Variants in KAZN observed in about 807,000 individuals in gnomAD.
KAZN encodes kazrin, periplakin interacting protein.
In KAZN, 40 loss-of-function variants were observed where a neutral mutation model predicts 87.4. That is an observed-to-expected ratio of 0.46 (90% CI 0.36 to 0.60). KAZN has a LOEUF of 0.60. Ranked by LOEUF, KAZN falls within the 20% of genes least tolerant of loss-of-function variation. The pLI is 0.00. For missense variants in KAZN, 898 were observed against 1,073.9 expected (o/e 0.84, Z 2.29); for synonymous variants, 466 against 458.3 (o/e 1.02, Z -0.22).
chr1:14,611,214 A>C (rs533034371), intron 1 of KAZN, among the ~76,000 whole-genome samples: 1 of 152,304 alleles, frequency 6.6e-6, no homozygotes, highest in East Asian at 1.9e-4. Context: ...CCTAAGTGGC[A>C]AGTCCAATGG....
At chr1:14,262,794 C>T (rs774003296) in intron 2 of KAZN, among the ~76,000 whole-genome samples, 180 of 152,268 alleles carry the variant, frequency 1.2e-3, no homozygotes, top group Non-Finnish European at 2.1e-3. Context: ...ATCATTCGGT[C>T]GTTGTTACAA....
Position 14,805,842 on chromosome 1 carries a change from G to C in KAZN, c.227-154842G>C, listed in dbSNP as rs192049768. Among the ~76,000 whole-genome samples, 10 of 151,840 alleles carry C rather than the reference G, an allele frequency of 6.6e-5. No individual in the cohort carries two copies. In the East Asian group the frequency reaches 1.9e-3, roughly 29 times the overall value. On this transcript the variant is annotated intron_variant, in intron 1 of 14. Transcript: ENST00000376030. ...GGCTAGATAGGTGGGAGCTGGATCTGGGGGGAAAGGAGGTGGAGAGAATAT... is the reference window on the plus strand; with the variant it reads ...GGCTAGATAGGTGGGAGCTGGATCTCGGGGGAAAGGAGGTGGAGAGAATAT...
chr1:14,620,661 A>G (rs932463704), intron 1 of KAZN, among the ~76,000 whole-genome samples: 5 of 152,162 alleles, frequency 3.3e-5, no homozygotes, highest in South Asian at 2.1e-4. Flanking sequence ...CAGCTGGAAT[A>G]CCACAGTGGG....
In KAZN at chr1:14,438,391, G is replaced by A. The variant is rs150025891; in HGVS notation, c.250-160592G>A. ...AATAAGCAAGACATATGACATGTCA[G>A]ATGGGGACAAATCTTAGTGGAAAAG... On this transcript the variant is annotated intron_variant, in intron 2 of 16. Transcript: ENST00000636203. Among the ~76,000 whole-genome samples, 1,281 of 152,344 alleles carry A rather than the reference G, an allele frequency of 8.4e-3. 17 individuals are homozygous for A. The highest frequency in any genetic ancestry group is 0.03 in the African/African-American group (1,227 of 41,578).
intron 2 of KAZN, among the ~76,000 whole-genome samples, chr1:14,425,036 A>G (rs1290499770): frequency 5.9e-5 from 9 of 152,246 alleles, no homozygotes; most frequent in Non-Finnish European, 1.3e-4. Flanking sequence ...GCTTGAAGAT[A>G]CCTGGCCCAA....
chr1:13,983,117 C>T (rs530368725), intron 1 of KAZN, among the ~76,000 whole-genome samples: 21 of 152,388 alleles, frequency 1.4e-4, no homozygotes, highest in South Asian at 8.3e-4. Context: ...GGATCTCGCA[C>T]GGGGGCTGCA....
chr1:14,985,611 C>A (rs1666728572), intron 2 of KAZN, among the ~76,000 whole-genome samples: 1 of 152,168 alleles, frequency 6.6e-6, no homozygotes, highest in African/African-American at 2.4e-5. Flanking sequence ...ACATTATGGG[C>A]TTCCTGATGT....
intron 1 of KAZN, among the ~76,000 whole-genome samples, chr1:14,662,293 G>A (rs1290824043): frequency 1.3e-5 from 2 of 152,186 alleles, no homozygotes; most frequent in Non-Finnish European, 2.9e-5. Flanking sequence ...GGAGGCTGCT[G>A]GGACCATCCG....
intron 8 of KAZN, among the ~76,000 whole-genome samples, chr1:15,085,218 A>T (rs1018207555): frequency 2.6e-5 from 4 of 152,254 alleles, no homozygotes; most frequent in African/African-American, 9.6e-5. Context: ...TGTATCGAAT[A>T]CACTAGCCAC....
In KAZN at chr1:14,860,020, A is replaced by G. The variant is rs561941167; in HGVS notation, c.227-100664A>G. ...GTCACTCTCACCAGTCACTTTGAAC[A>G]AGAGCAGGAAGGACCCCTGCTCCCC... is the stretch of plus-strand genomic sequence containing the variant. On this transcript the variant is annotated intron_variant, in intron 1 of 14. Transcript: ENST00000376030. Among the ~76,000 whole-genome samples, 16 of 152,202 alleles carry G rather than the reference A, an allele frequency of 1.1e-4. 1 individual carries two copies. The highest frequency in any genetic ancestry group is 3.9e-4 in the East Asian group (2 of 5,160).
chr1:14,159,996 C>G (rs1300095089), intron 1 of KAZN, among the ~76,000 whole-genome samples: 3 of 152,188 alleles, frequency 2.0e-5, no homozygotes, highest in Admixed American at 2.0e-4. Context: ...TCCCTTTCCT[C>G]TCCTCAAGGA....
At chr1:14,593,754 A>AT (rs1453182965), upstream of KAZN, among the ~76,000 whole-genome samples, 1 of 152,250 alleles carries the variant, frequency 6.6e-6, no homozygotes, top group Non-Finnish European at 1.5e-5. Context: ...GCAGAGAGCC[A>AT]GGGGGAGAAT....
chr1:14,637,938 G>T (rs1680117941), intron 1 of KAZN, among the ~76,000 whole-genome samples: 1 of 152,066 alleles, frequency 6.6e-6, no homozygotes, highest in South Asian at 2.1e-4. Flanking sequence ...ATTCTGGGAG[G>T]TCTGGGGGAG....
At chr1:14,010,489 C>T (rs963937448) in intron 1 of KAZN, among the ~76,000 whole-genome samples, 1 of 152,184 alleles carries the variant, frequency 6.6e-6, no homozygotes, top group South Asian at 2.1e-4. Context: ...AGGGGTTCAG[C>T]AGAAGTATTT....
chr1:14,036,854 A>G (rs1240010384), intron 1 of KAZN, among the ~76,000 whole-genome samples: 6 of 151,930 alleles, frequency 3.9e-5, no homozygotes, highest in African/African-American at 1.2e-4. Flanking sequence ...ATCTCGGCTC[A>G]CTGCAACCTC....
intron 1 of KAZN, among the ~76,000 whole-genome samples, chr1:14,784,900 C>A (rs577070660): frequency 6.6e-6 from 1 of 152,092 alleles, no homozygotes; most frequent in South Asian, 2.1e-4. Context: ...TTCTCAGCAG[C>A]CCCGAATCGG....
At chr1:14,729,586 CACAA>C (rs747752355) in intron 1 of KAZN, among the ~76,000 whole-genome samples, 1 of 152,186 alleles carries the variant, frequency 6.6e-6, no homozygotes, top group Non-Finnish European at 1.5e-5. Context: ...TCAGGTTGGT[CACAA>C]ACAGTGTCTC....
chr1:14,978,659 T>C (rs1213619548), intron 2 of KAZN, among the ~76,000 whole-genome samples: 4 of 152,160 alleles, frequency 2.6e-5, no homozygotes, highest in African/African-American at 9.7e-5. Flanking sequence ...TGTTGGTCAC[T>C]ACTGGCCACC....
intron 2 of KAZN, among the ~76,000 whole-genome samples, chr1:14,356,675 A>G (rs1659055551): frequency 1.3e-5 from 2 of 152,162 alleles, no homozygotes; most frequent in Admixed American, 6.5e-5. Context: ...CCATTTATTA[A>G]ATAGGGAATC....
Sources: allele counts gnomAD v4.1 joint callset (sites outside exome capture counted in the v4.1 genomes callset), GRCh38; gene constraint gnomAD v4.1.1; transcripts MANE v1.5; gene names NCBI Gene and HGNC (gene_info 2026-07-23, HGNC 2026-07-21).